GRXCR1: variants seen among roughly 807,000 people sequenced by gnomAD.
GRXCR1 encodes glutaredoxin domain-containing cysteine-rich protein 1.
Under a neutral mutation model 27.3 loss-of-function variants are expected in GRXCR1, and 27 were observed. The observed-to-expected ratio is 0.99, with a 90% CI of 0.73 to 1.37. The LOEUF is 1.37. GRXCR1 is among the 40% of genes most tolerant of loss of function. The pLI is 0.00. For missense variants in GRXCR1, 379 were observed against 354.4 expected, an observed-to-expected ratio of 1.07 and a Z score of -0.56; for synonymous variants, 122 against 131.1, an observed-to-expected ratio of 0.93 and a Z score of 0.47.
chr4:42,983,639 C>A (rs1711564658), intron 2 of GRXCR1, among the ~76,000 whole-genome samples: 1 of 151,998 alleles, frequency 6.6e-6, no homozygotes, highest in Non-Finnish European at 1.5e-5. Flanking sequence ...CTGTAAATTA[C>A]CTTGGGCAGT....
chr4:42,932,653 G>A (rs1378481900), intron 1 of GRXCR1, among the ~76,000 whole-genome samples: 1 of 136,838 alleles, frequency 7.3e-6, no homozygotes, highest in Admixed American at 7.3e-5. Context: ...GAGAGAGAGA[G>A]AGAGAGAGAG....
chr4:42,988,866 C>G (rs552258367), intron 2 of GRXCR1, among the ~76,000 whole-genome samples: 1 of 152,068 alleles, frequency 6.6e-6, no homozygotes, highest in Non-Finnish European at 1.5e-5. Flanking sequence ...ATAAGAAGAT[C>G]AATAAGAAAG....
intron 1 of GRXCR1, among the ~76,000 whole-genome samples, chr4:42,919,399 T>C (rs1441461618): frequency 1.3e-5 from 2 of 152,180 alleles, no homozygotes; most frequent in Non-Finnish European, 2.9e-5. Context: ...AATTTGAGGA[T>C]ATGGGGCAGC....
chr4:42,935,756 T>C (rs981502732), intron 1 of GRXCR1, among the ~76,000 whole-genome samples: 2 of 150,272 alleles, frequency 1.3e-5, no homozygotes, highest in African/African-American at 4.9e-5. Context: ...TAAAATTATT[T>C]AGATTAAAGT....
intron 2 of GRXCR1, among the ~76,000 whole-genome samples, chr4:42,964,990 C>T (rs980805246): frequency 1.3e-5 from 2 of 152,014 alleles, no homozygotes; most frequent in Non-Finnish European, 2.9e-5. Flanking sequence ...AACTCCTGTG[C>T]AACTGCACAG....
At chr4:43,004,775 G>T (rs1262113753) in intron 2 of GRXCR1, among the ~76,000 whole-genome samples, 1 of 152,142 alleles carries the variant, frequency 6.6e-6, no homozygotes, top group Non-Finnish European at 1.5e-5. Flanking sequence ...ATTATATTTT[G>T]GAAGTAACTA....
At chr4:42,990,830 CAT>C in intron 2 of GRXCR1, among the ~76,000 whole-genome samples, 1 of 152,076 alleles carries the variant, frequency 6.6e-6, no homozygotes, top group East Asian at 1.9e-4. Context: ...CTCCTTTTTA[CAT>C]ATATATATGC....
chr4:42,954,277 A>C (rs937211719), intron 1 of GRXCR1, among the ~76,000 whole-genome samples: 1 of 152,152 alleles, frequency 6.6e-6, no homozygotes, highest in Admixed American at 6.6e-5. Flanking sequence ...GTGACATTTA[A>C]CCAGAGATTA....
chr4:43,002,124 CA>C (rs1238408878), intron 2 of GRXCR1, among the ~76,000 whole-genome samples: 2 of 152,242 alleles, frequency 1.3e-5, no homozygotes, highest in African/African-American at 4.8e-5. Flanking sequence ...ATTCAGTTCC[CA>C]GGGGCAGGCA....
intron 2 of GRXCR1, among the ~76,000 whole-genome samples, chr4:43,010,827 A>T (rs1379934101): frequency 2.6e-5 from 4 of 152,274 alleles, no homozygotes; most frequent in Admixed American, 2.6e-4. Flanking sequence ...CTAGTCTTTT[A>T]AAAACAAGTT....
rs137987372 is a variant in GRXCR1, at chr4:42,981,220, C to T, written c.627+18086C>T. Among the ~76,000 whole-genome samples, 13 of 149,824 alleles carry T rather than the reference C, an allele frequency of 8.7e-5. No individual in the cohort carries two copies. In the East Asian group the frequency reaches 1.6e-3, roughly 18 times the overall value. ...TTTACTTTCTTATGTCTCTACTATG[C>T]TATGCTTTGTAGTTATCATGAGACT... is the stretch of plus-strand genomic sequence containing the variant. On this transcript the variant is annotated intron_variant, in intron 2 of 3. Transcript: ENST00000399770.
chr4:42,961,747 TC>T (rs1335700006), intron 1 of GRXCR1, among the ~76,000 whole-genome samples: 1 of 152,006 alleles, frequency 6.6e-6, no homozygotes, highest in Non-Finnish European at 1.5e-5. Flanking sequence ...TGTATTGGCA[TC>T]TTTATGACAT....
At chr4:43,019,803 A>G (rs999937486) in intron 2 of GRXCR1, among the ~76,000 whole-genome samples, 3 of 152,218 alleles carry the variant, frequency 2.0e-5, no homozygotes, top group African/African-American at 4.8e-5. Flanking sequence ...GAGGCTCAAT[A>G]TCTGCAAATA....
Position 42,956,989 on chromosome 4 carries a change from C to T in GRXCR1, c.385-5903C>T, listed in dbSNP as rs375131525. On this transcript the variant is annotated intron_variant, in intron 1 of 3. Transcript: ENST00000399770. Reference sequence around the variant, plus strand: ...ACAACATGGTATCAACCCTTCATACCTATCTAGAGTCACTTAATACCATTC... The same window carrying T: ...ACAACATGGTATCAACCCTTCATACTTATCTAGAGTCACTTAATACCATTC... Among the ~76,000 whole-genome samples the T allele has an allele frequency of 4.4e-4, 67 of 152,148 alleles. 2 individuals carry two copies. The South Asian group carries it at 9.9e-3, about 23-fold the overall frequency.
At chr4:42,909,765 C>A (rs1466773725) in intron 1 of GRXCR1, among the ~76,000 whole-genome samples, 1 of 152,142 alleles carries the variant, frequency 6.6e-6, no homozygotes, top group Admixed American at 6.6e-5. Context: ...TACTCCCCTG[C>A]TAAAAACAAA....
intron 2 of GRXCR1, among the ~76,000 whole-genome samples, chr4:42,974,311 A>G (rs543900413): frequency 6.6e-6 from 1 of 152,102 alleles, no homozygotes; most frequent in Admixed American, 6.6e-5. Flanking sequence ...CCTTTATTAG[A>G]CCTGCTGAAG....
intron 1 of GRXCR1, among the ~76,000 whole-genome samples, chr4:42,929,164 T>G (rs1166247708): frequency 6.6e-6 from 1 of 151,994 alleles, no homozygotes; most frequent in Admixed American, 6.6e-5. Context: ...GCATAGGTTA[T>G]GTAAGGATGA....
intron 3 of GRXCR1, among the ~76,000 whole-genome samples, chr4:43,021,208 G>A (rs949327511): frequency 1.3e-5 from 2 of 152,160 alleles, no homozygotes; most frequent in Admixed American, 6.5e-5. Context: ...AGGACTATGT[G>A]GCTTCTCATG....
At chr4:42,930,598 G>A (rs1477209909) in intron 1 of GRXCR1, among the ~76,000 whole-genome samples, 1 of 151,880 alleles carries the variant, frequency 6.6e-6, no homozygotes, top group African/African-American at 2.4e-5. Flanking sequence ...GGCTAAAATA[G>A]AGACTCTTTT....
Sources: gnomAD v4.1 joint callset for allele counts (sites outside exome capture counted in the v4.1 genomes callset) on GRCh38, gnomAD v4.1.1 for gene constraint, MANE v1.5 for transcripts, NCBI Gene and HGNC (gene_info 2026-07-23, HGNC 2026-07-21) for gene names.